Variants in PRKCA observed in about 807,000 individuals in gnomAD.
PRKCA encodes the protein protein kinase C alpha type.
PRKCA carries 27 observed loss-of-function variants against 87.0 expected under a neutral mutation model. That is an observed-to-expected ratio of 0.31 (90% confidence interval 0.23 to 0.43). PRKCA has a LOEUF of 0.43. PRKCA is among the 20% of genes least tolerant of loss of function. The pLI, the probability that PRKCA is intolerant of heterozygous loss-of-function variation, is 1.00. For missense variants in PRKCA, 518 were observed against 852.3 expected (o/e 0.61, Z 4.88); for synonymous variants, 329 against 311.1 (o/e 1.06, Z -0.61).
At chr17:66,591,707 AT>A (rs1969810050) in intron 3 of PRKCA, among the ~76,000 whole-genome samples, 1 of 152,174 alleles carries the variant, frequency 6.6e-6, no homozygotes, top group Non-Finnish European at 1.5e-5. Context: ...GCTATAGGAA[AT>A]GAGTAGAAGC....
intron 2 of PRKCA, 123 bp downstream of exon 2, chr17:66,306,250 A>G: frequency 9.6e-7 from 1 of 1,044,950 alleles, no homozygotes; most frequent in East Asian, 2.7e-5. Context: ...ATTTTGAAAT[A>G]TGAGGGCTGT....
Position 66,803,727 on chromosome 17 carries a change from T to C in PRKCA, c.1855-146T>C. 9.2e-7 allele frequency: 1 copy of C among 1,085,316 alleles called. No homozygotes were observed. The highest frequency in any genetic ancestry group is 2.6e-5 in the East Asian group (1 of 39,098). 67.2% of individuals were successfully genotyped at this position (1,085,316 alleles called of 1,614,324 possible). A position where few individuals can be genotyped will look rare whatever the true frequency, so the allele number is the denominator to read the frequency against. On this transcript the variant is annotated intron_variant, in intron 16 of 16. Transcript: ENST00000413366. This position sits in a 1 kb window ranked among gnomAD's most constrained non-coding sequence, Gnocchi z 4.4. Reference sequence around the variant, plus strand: ...TGCTGTGCCTGGCTTTTCAATCCAATAGGCCTGCAAGTCCTCCGAGATTCC... The same window carrying C: ...TGCTGTGCCTGGCTTTTCAATCCAACAGGCCTGCAAGTCCTCCGAGATTCC...
At chr17:66,421,431 T>G (rs1401064552) in intron 2 of PRKCA, among the ~76,000 whole-genome samples, 1 of 28,294 alleles carries the variant, frequency 3.5e-5, no homozygotes, top group Non-Finnish European at 2.8e-4. Context: ...AGCCTCTGTT[T>G]TTTTTTTTTT....
intron 3 of PRKCA, among the ~76,000 whole-genome samples, chr17:66,519,141 C>T (rs1420179823): frequency 2.0e-5 from 3 of 152,032 alleles, no homozygotes; most frequent in African/African-American, 4.8e-5. Context: ...GGTTTGGGGC[C>T]GTCCGTTGTT....
At chr17:66,633,961 A>G (rs945650146) in intron 3 of PRKCA, among the ~76,000 whole-genome samples, 1 of 152,226 alleles carries the variant, frequency 6.6e-6, no homozygotes, top group African/African-American at 2.4e-5. Context: ...ACAAGAATGC[A>G]TCTAGGAAAT....
At chr17:66,386,898 T>G (rs1483809888) in intron 2 of PRKCA, among the ~76,000 whole-genome samples, 1 of 152,176 alleles carries the variant, frequency 6.6e-6, no homozygotes, top group Non-Finnish European at 1.5e-5. Flanking sequence ...TGACACATCT[T>G]ATGAAATACT....
At chr17:66,522,923 C>G (rs1416262024) in intron 3 of PRKCA, among the ~76,000 whole-genome samples, 1 of 152,078 alleles carries the variant, frequency 6.6e-6, no homozygotes, top group Non-Finnish European at 1.5e-5. Context: ...GCTGTGCCAC[C>G]AGGACTTCCT....
At chr17:66,543,062 G>C (rs190948448) in intron 3 of PRKCA, among the ~76,000 whole-genome samples, 2 of 152,226 alleles carry the variant, frequency 1.3e-5, no homozygotes, top group South Asian at 4.2e-4. Flanking sequence ...ATGCACTTCC[G>C]TAATTTCTAT....
intron 5 of PRKCA, among the ~76,000 whole-genome samples, chr17:66,671,959 G>A (rs1004953004): frequency 6.6e-6 from 1 of 152,230 alleles, no homozygotes; most frequent in Admixed American, 6.5e-5. Flanking sequence ...ACATTTGGAG[G>A]AAAATAAATG....
chr17:66,314,845 T>C lies in PRKCA; in HGVS notation c.205+8718T>C, dbSNP rs1474276573. Among the ~76,000 whole-genome samples, 8 of 147,038 alleles carry C rather than the reference T, an allele frequency of 5.4e-5. No homozygotes were observed. The East Asian group carries it at 1.4e-3, about 26-fold the overall frequency. On this transcript the variant is annotated intron_variant, in intron 2 of 16. Coordinates refer to ENST00000413366, the MANE Select transcript of PRKCA (RefSeq NM_002737.3). Reference sequence around the variant, plus strand: ...AGTTAATCTCTACGATAGAATTTCTTTCTCTCTCTCTCTCTCTAGATATAT... The same window carrying C: ...AGTTAATCTCTACGATAGAATTTCTCTCTCTCTCTCTCTCTCTAGATATAT...
chr17:66,457,829 A>G (rs1452860528), intron 2 of PRKCA, among the ~76,000 whole-genome samples: 1 of 152,118 alleles, frequency 6.6e-6, no homozygotes, highest in Admixed American at 6.5e-5. Flanking sequence ...TCTTTTATAA[A>G]TGACCCAGTC....
chr17:66,539,969 C>T (rs534254552), intron 3 of PRKCA, among the ~76,000 whole-genome samples: 47 of 152,300 alleles, frequency 3.1e-4, no homozygotes, highest in East Asian at 9.6e-4. Flanking sequence ...TCACGCAACC[C>T]GAGGGATTTG....
intron 8 of PRKCA, among the ~76,000 whole-genome samples, chr17:66,719,133 T>C (rs1973550388): frequency 6.6e-6 from 1 of 152,130 alleles, no homozygotes; most frequent in African/African-American, 2.4e-5. Flanking sequence ...GATGCACACA[T>C]ATTTAGACCA....
intron 2 of PRKCA, among the ~76,000 whole-genome samples, chr17:66,418,513 G>A (rs868075399): frequency 3.3e-5 from 5 of 150,106 alleles, no homozygotes; most frequent in Admixed American, 2.0e-4. Context: ...TCAGCTCACT[G>A]CAACCTCTGC....
chr17:66,677,840 A>G (rs1972379187), intron 5 of PRKCA, among the ~76,000 whole-genome samples: 1 of 152,118 alleles, frequency 6.6e-6, no homozygotes, highest in African/African-American at 2.4e-5. Flanking sequence ...TTCAGATATA[A>G]CTCACAGGTC....
chr17:66,563,817 A>G (rs910930419), intron 3 of PRKCA, among the ~76,000 whole-genome samples: 1 of 152,260 alleles, frequency 6.6e-6, no homozygotes, highest in African/African-American at 2.4e-5. Flanking sequence ...GTGCAGAGGT[A>G]CGTTGGATTT....
At chr17:66,539,549 G>A (rs1279103265) in intron 3 of PRKCA, among the ~76,000 whole-genome samples, 5 of 151,906 alleles carry the variant, frequency 3.3e-5, no homozygotes, top group East Asian at 1.9e-4. Context: ...GACTACAGGC[G>A]CCCGCCACCA....
intron 2 of PRKCA, among the ~76,000 whole-genome samples, chr17:66,369,353 A>G (rs1264444513): frequency 6.6e-6 from 1 of 152,060 alleles, no homozygotes; most frequent in Non-Finnish European, 1.5e-5. Context: ...ATTCCCTCCT[A>G]AAACAGCAAG....
At chr17:66,487,149 A>G (rs935588245) in intron 2 of PRKCA, among the ~76,000 whole-genome samples, 1 of 152,114 alleles carries the variant, frequency 6.6e-6, no homozygotes, top group African/African-American at 2.4e-5. Context: ...GTCTAACTGC[A>G]TTTTTGAGCC....
Sources: allele counts gnomAD v4.1 joint callset (sites outside exome capture counted in the v4.1 genomes callset), GRCh38; gene constraint gnomAD v4.1.1; non-coding constraint Gnocchi (gnomAD v3.1); transcripts MANE v1.5; gene names NCBI Gene and HGNC (gene_info 2026-07-23, HGNC 2026-07-21).